The following DGKI variants were observed in gnomAD, a reference collection of about 807,000 sequenced individuals.
The protein encoded by DGKI is DAG kinase iota.
DGKI carries 55 observed loss-of-function variants against 147.5 expected under a neutral mutation model. The ratio of observed to expected loss-of-function variants is 0.37; its 90% CI spans 0.30 to 0.47. DGKI has a LOEUF of 0.47. DGKI is among the 20% of genes least tolerant of loss of function. The pLI, the probability that DGKI is intolerant of heterozygous loss-of-function variation, is 1.00. For synonymous variants in DGKI, 469 were observed against 477.1 expected, an observed-to-expected ratio of 0.98 and a Z score of 0.22; for missense variants, 1,007 against 1,323.8, an observed-to-expected ratio of 0.76 and a Z score of 3.71.
Position 137,399,739 on chromosome 7 carries a change from G to A in DGKI, c.2921-2326C>T, listed in dbSNP as rs534406254. 2.4e-4 allele frequency among the ~76,000 whole-genome samples: 37 copies of A among 152,124 alleles called. 2 individuals are homozygous for A. The South Asian group carries it at 5.8e-3, about 24-fold the overall frequency. On this transcript the variant is annotated intron_variant, in intron 30 of 32. Coordinates refer to ENST00000614521, the MANE Select transcript of DGKI (RefSeq NM_001321708.2). ...AGCCTGACCAACATGGTGGAACCCCGTCTCTACTAAAAATACAATAATTAG... is the reference window on the plus strand; with the variant it reads ...AGCCTGACCAACATGGTGGAACCCCATCTCTACTAAAAATACAATAATTAG...
Position 137,397,515 on chromosome 7 carries a change from AT to A in DGKI, c.2921-103del, listed in dbSNP as rs1167963339. The A allele has an allele frequency of 3.6e-6, 4 of 1,112,328 alleles. No individual in the cohort carries two copies. In the African/African-American group the frequency reaches 6.3e-5, roughly 17 times the overall value. 68.9% of individuals were successfully genotyped at this position (1,112,328 alleles called of 1,614,324 possible). ...GAATTAAAATGCCTTGGAAAGCTAA[AT>A]TTGGGGATAGGAATAATAAGACAGA... On this transcript the variant is annotated intron_variant, in intron 30 of 32. Transcript: ENST00000614521.
intron 1 of DGKI, among the ~76,000 whole-genome samples, chr7:137,788,708 C>CAT: frequency 6.6e-6 from 1 of 151,116 alleles, no homozygotes; most frequent in African/African-American, 2.4e-5. Flanking sequence ...TACACACACA[C>CAT]ATCTAGGCCC....
At chr7:137,499,661 C>G (rs1816101027) in intron 21 of DGKI, among the ~76,000 whole-genome samples, 1 of 152,154 alleles carries the variant, frequency 6.6e-6, no homozygotes, top group South Asian at 2.1e-4. Context: ...CTCCTGCACT[C>G]CAGTTATCAG....
At chr7:137,570,954 A>C (rs1818772927) in intron 19 of DGKI, among the ~76,000 whole-genome samples, 1 of 152,224 alleles carries the variant, frequency 6.6e-6, no homozygotes, top group Non-Finnish European at 1.5e-5. Context: ...AGGAAAAGTA[A>C]GAAGTGATAC....
intron 3 of DGKI, among the ~76,000 whole-genome samples, chr7:137,670,903 C>A (rs1225225236): frequency 6.6e-6 from 1 of 152,176 alleles, no homozygotes; most frequent in Non-Finnish European, 1.5e-5. Flanking sequence ...CATTCTAAGT[C>A]CAATGCTGGT....
At chr7:137,647,945 T>C (rs1450003488) in intron 5 of DGKI, among the ~76,000 whole-genome samples, 3 of 152,174 alleles carry the variant, frequency 2.0e-5, no homozygotes, top group African/African-American at 2.4e-5. Context: ...TTACTCAAAA[T>C]GTAAAGGTCA....
chr7:137,654,469 T>C (rs969989847), intron 5 of DGKI, among the ~76,000 whole-genome samples: 1 of 152,220 alleles, frequency 6.6e-6, no homozygotes, highest in Non-Finnish European at 1.5e-5. Flanking sequence ...TTCAATTCTA[T>C]CACTACCACC....
intron 1 of DGKI, among the ~76,000 whole-genome samples, chr7:137,820,531 G>A (rs1797866320): frequency 6.6e-6 from 1 of 152,222 alleles, no homozygotes; most frequent in Admixed American, 6.5e-5. Flanking sequence ...GCTCTTCCAT[G>A]TAAAACAGGC....
chr7:137,805,723 C>T (rs1216079984), intron 1 of DGKI, among the ~76,000 whole-genome samples: 1 of 152,214 alleles, frequency 6.6e-6, no homozygotes, highest in African/African-American at 2.4e-5. Flanking sequence ...TGAAGGCACC[C>T]TTCATAACAT....
chr7:137,667,124 A>G (rs1585348453), intron 3 of DGKI, among the ~76,000 whole-genome samples: 1 of 152,170 alleles, frequency 6.6e-6, no homozygotes, highest in South Asian at 2.1e-4. Flanking sequence ...CACGCTCTTC[A>G]AGGTTATTAT....
intron 2 of DGKI, 34 bp downstream of exon 2, chr7:137,689,860 G>A (rs1385799183): frequency 7.3e-7 from 1 of 1,364,530 alleles, no homozygotes; most frequent in Non-Finnish European, 1.0e-6. Flanking sequence ...AACATGCACT[G>A]AAGTGATGTT....
rs550658260 is a variant in DGKI at position 137,395,488 on chromosome 7, G to C, written c.3057+110C>G. On this transcript the variant is annotated intron_variant, in intron 32 of 32. Transcript: ENST00000614521. ...TTTTCCTCCTTTTTCCAAAGCCCCA[G>C]GCACTTCCATAAGCACAGAAAGGAT... The C allele has an allele frequency of 1.5e-5, 15 of 970,312 alleles. No individual in the cohort carries two copies. In the East Asian group the frequency reaches 3.8e-4, roughly 24 times the overall value. 60.1% of individuals were successfully genotyped at this position (970,312 alleles called of 1,614,324 possible).
At position 137,846,427 on chromosome 7, in the gene DGKI, C is replaced by G. The variant is rs1284173392; in HGVS notation, c.401+35G>C. On this transcript the variant is annotated intron_variant, in intron 1 of 32. Transcript: ENST00000614521. The surrounding 1 kb of genome is among the most constrained non-coding windows in gnomAD (Gnocchi z 4.0). ...TAGAAGAGTGGGTCTCCCGCCGCGG[C>G]GCACCTGTCTCGGCTGCCGGCTCCC... The G allele has an allele frequency of 6.6e-7, 1 of 1,513,108 alleles. No homozygotes were observed. Among genetic ancestry groups the G allele is most frequent in the Non-Finnish European group, 9.0e-7 (1 of 1,112,438 alleles). 93.7% of individuals were successfully genotyped at this position (1,513,108 alleles called of 1,614,324 possible). A position where few individuals can be genotyped will look rare whatever the true frequency, so the allele number is the denominator to read the frequency against.
chr7:137,464,243 C>T lies in DGKI; in HGVS notation c.2613-632G>A, dbSNP rs796293863. ...CTGCACTCCAGTCTGGGTGACAGAG[C>T]GAGACTCCATCTCAAAAAAAAAAAA... On this transcript the variant is annotated intron_variant, in intron 26 of 32. Coordinates refer to ENST00000614521, the MANE Select transcript of DGKI (RefSeq NM_001321708.2). 5.3e-4 allele frequency among the ~76,000 whole-genome samples: 67 copies of T among 126,050 alleles called. 1 individual carries two copies. The highest frequency in any genetic ancestry group is 1.8e-3 in the African/African-American group (62 of 33,790). The allele number at this position is 126,050 out of a possible 152,430, so 82.7% of individuals were successfully genotyped here.
chr7:137,403,372 G>A (rs756678927), intron 30 of DGKI, among the ~76,000 whole-genome samples: 5 of 152,188 alleles, frequency 3.3e-5, no homozygotes, highest in Non-Finnish European at 4.4e-5. Flanking sequence ...CAGATCTCAT[G>A]TGGCACAGCC....
chr7:137,641,149 C>G (rs1298092657), intron 6 of DGKI, among the ~76,000 whole-genome samples: 2 of 152,184 alleles, frequency 1.3e-5, no homozygotes, highest in African/African-American at 4.8e-5. Context: ...CACAAGCTCT[C>G]TCTTTGCCTG....
intron 28 of DGKI, among the ~76,000 whole-genome samples, chr7:137,431,829 C>T (rs992409585): frequency 6.6e-6 from 1 of 152,178 alleles, no homozygotes; most frequent in Admixed American, 6.5e-5. Flanking sequence ...TGGCTTTTGG[C>T]AATTGCCAAC....
intron 30 of DGKI, among the ~76,000 whole-genome samples, chr7:137,400,485 T>A (rs1811711747): frequency 6.6e-6 from 1 of 152,220 alleles, no homozygotes; most frequent in South Asian, 2.1e-4. Flanking sequence ...AGTGAGGGGA[T>A]CCTCAAGGCT....
chr7:137,777,169 G>A (rs1351273991), intron 1 of DGKI, among the ~76,000 whole-genome samples: 1 of 152,132 alleles, frequency 6.6e-6, no homozygotes, highest in African/African-American at 2.4e-5. Context: ...TTCAGCCCAG[G>A]CGACAGAGTG....
Sources: gnomAD v4.1 joint callset for allele counts (sites outside exome capture counted in the v4.1 genomes callset) on GRCh38, gnomAD v4.1.1 for gene constraint, Gnocchi (gnomAD v3.1) non-coding constraint, MANE v1.5 for transcripts, NCBI Gene and HGNC (gene_info 2026-07-23, HGNC 2026-07-21) for gene names.